The following CFH variants were observed in gnomAD, a reference collection of about 807,000 sequenced individuals.
CFH encodes the protein complement factor H, also known as H factor 1 (complement).
In CFH, 53 loss-of-function variants were observed where a neutral mutation model predicts 147.3. The ratio of observed to expected loss-of-function variants is 0.36; its 90% CI spans 0.29 to 0.45. The LOEUF (loss-of-function observed/expected upper bound fraction) is 0.45. CFH is among the 20% of genes least tolerant of loss of function. The pLI, the probability that CFH is intolerant of heterozygous loss-of-function variation, is 1.00. For synonymous variants in CFH, 536 were observed against 489.4 expected (o/e 1.10, Z -1.26); for missense variants, 1,380 against 1,498.0 (o/e 0.92, Z 1.30).
At chr1:196,695,581 A>T (rs79176478) in intron 9 of CFH, among the ~76,000 whole-genome samples, 1 of 152,122 alleles carries the variant, frequency 6.6e-6, no homozygotes, top group South Asian at 2.1e-4. Flanking sequence ...CATTGTATGT[A>T]TCAACTACTT....
At chr1:196,718,843 T>C (rs987951157) in intron 11 of CFH, among the ~76,000 whole-genome samples, 4 of 152,070 alleles carry the variant, frequency 2.6e-5, no homozygotes, top group African/African-American at 9.7e-5. Context: ...TAGGATCATT[T>C]GAACACATAA....
At chr1:196,736,523 C>A (rs1669405452) in intron 15 of CFH, among the ~76,000 whole-genome samples, 1 of 151,522 alleles carries the variant, frequency 6.6e-6, no homozygotes. Context: ...TAATTAAAAT[C>A]AATATTACAT....
chr1:196,727,995 T>C (rs1338783856), intron 14 of CFH, among the ~76,000 whole-genome samples: 1 of 152,188 alleles, frequency 6.6e-6, no homozygotes, highest in Non-Finnish European at 1.5e-5. Context: ...TTCACTTTTC[T>C]CTAAACTGAG....
chr1:196,672,310 T>A (rs1667308254), intron 1 of CFH, among the ~76,000 whole-genome samples: 1 of 152,170 alleles, frequency 6.6e-6, no homozygotes, highest in African/African-American at 2.4e-5. Context: ...TCCTTCCTAC[T>A]TGTGTTTTGT....
chr1:196,718,347 G>A (rs939168887), intron 11 of CFH, among the ~76,000 whole-genome samples: 2 of 152,134 alleles, frequency 1.3e-5, no homozygotes, highest in African/African-American at 4.8e-5. Flanking sequence ...AGGAACTGGA[G>A]ATCTGTTTTA....
Position 196,679,611 on chromosome 1 carries a change from C to A in CFH, c.620-12C>A. The stretch of plus-strand genomic sequence containing the variant: ...GCAATAAACATTTTGGAATTTAATC[C>A]CTTTTATTTAGAAATTTCATGCAAA... On this transcript the variant is annotated splice_polypyrimidine_tract_variant and intron_variant, in intron 5 of 21. Coordinates refer to ENST00000367429, the MANE Select transcript of CFH (RefSeq NM_000186.4). The A allele has an allele frequency of 6.3e-7, 1 of 1,578,306 alleles. No homozygotes were observed. The highest frequency in any genetic ancestry group is 8.7e-7 in the Non-Finnish European group (1 of 1,150,158).
chr1:196,681,506 G>C (rs1667656916), intron 6 of CFH, among the ~76,000 whole-genome samples: 1 of 149,106 alleles, frequency 6.7e-6, no homozygotes, highest in East Asian at 2.0e-4. Flanking sequence ...ACCCCTCAAA[G>C]ACTCTACATT....
At chr1:196,702,908 T>C (rs1172460913) in intron 9 of CFH, among the ~76,000 whole-genome samples, 2 of 152,184 alleles carry the variant, frequency 1.3e-5, no homozygotes, top group African/African-American at 4.8e-5. Context: ...TTTGGAATTC[T>C]TAGAACAAGT....
At chr1:196,739,126 T>G (rs1285895618) in intron 17 of CFH, among the ~76,000 whole-genome samples, 1 of 152,182 alleles carries the variant, frequency 6.6e-6, no homozygotes. Context: ...TGAGGCTGCA[T>G]AGAGCAGCAG....
intron 17 of CFH, among the ~76,000 whole-genome samples, chr1:196,739,608 G>T (rs1192228043): frequency 6.6e-6 from 1 of 152,064 alleles, no homozygotes. Context: ...GAGTATTTTG[G>T]TCAAAGCCAT....
At chr1:196,736,119 G>A (rs1277084041) in intron 15 of CFH, among the ~76,000 whole-genome samples, 1 of 152,078 alleles carries the variant, frequency 6.6e-6, no homozygotes, top group African/African-American at 2.4e-5. Flanking sequence ...TTTAACAGGA[G>A]CTTAGCTGTG....
At position 196,715,626 on chromosome 1, in the gene CFH, G is replaced by C; in HGVS notation, c.1553G>C (p.Arg518Thr). ...SCDIPVFMNA[R>T]TKNDFTWFKL... ...GATATCCCAGTATTTATGAATGCCA[G>C]AACTAAAAATGACTTCACATGGTTT... is the stretch of plus-strand genomic sequence containing the variant. The change falls in exon 11 of 22, where the codon AGA becomes ACA. Residue 518 changes from arginine to threonine, a missense_variant. Physicochemically the swap from Arg to Thr is moderately conservative, Grantham distance 71. Around this residue, in one of 4 missense-constraint regions of CFH, gnomAD observed 830 missense variants for 821.4 expected, o/e 1.01. Coordinates refer to ENST00000367429, the MANE Select transcript of CFH (RefSeq NM_000186.4). The C allele has an allele frequency of 6.2e-7, 1 of 1,612,610 alleles. No homozygotes were observed. Among genetic ancestry groups the C allele is most frequent in the Non-Finnish European group, 8.5e-7 (1 of 1,179,104 alleles).
chr1:196,709,694 T>A (rs1668679263), intron 9 of CFH, among the ~76,000 whole-genome samples: 1 of 152,160 alleles, frequency 6.6e-6, no homozygotes, highest in African/African-American at 2.4e-5. Flanking sequence ...GAAGCCCTTG[T>A]CACAAGACAT....
At chr1:196,714,645 A>G (rs1474816307) in intron 10 of CFH, among the ~76,000 whole-genome samples, 21 of 35,384 alleles carry the variant, frequency 5.9e-4, no homozygotes, top group African/African-American at 2.9e-3. Flanking sequence ...GTATATATAT[A>G]TATATATATA....
intron 6 of CFH, among the ~76,000 whole-genome samples, chr1:196,682,029 ATACTT>A (rs1275886198): frequency 2.6e-5 from 4 of 151,836 alleles, no homozygotes; most frequent in African/African-American, 2.4e-5. Context: ...TAAATTTTAA[ATACTT>A]TAATTTTCTT....
At chr1:196,672,928 T>G (rs767373625) in intron 1 of CFH, 50 bp from the exon 2 acceptor site, 11 of 1,482,428 alleles carry the variant, frequency 7.4e-6, no homozygotes, top group Non-Finnish European at 1.0e-5. Context: ...AAATATACTG[T>G]ACATTTAAAT....
intron 11 of CFH, among the ~76,000 whole-genome samples, chr1:196,722,614 G>T (rs1310297043): frequency 6.6e-6 from 1 of 152,104 alleles, no homozygotes. Flanking sequence ...TGAGCCTCTT[G>T]TATAAGGATT....
Position 196,740,750 on chromosome 1 carries a change from A to G in CFH, c.2914A>G (p.Lys972Glu), listed in dbSNP as rs1422840028. The G allele has an allele frequency of 9.9e-6, 16 of 1,614,090 alleles. No individual in the cohort carries two copies. The highest frequency in any genetic ancestry group is 1.3e-5 in the Non-Finnish European group (15 of 1,179,986). Residue 972 changes from lysine (K) to glutamate (E), a missense_variant, in exon 18 of 22, where the codon AAA becomes GAA. Physicochemically the swap from Lys to Glu is moderately conservative, Grantham distance 56. This residue lies in a region of CFH where 830 missense variants were observed against 821.4 expected (regional missense o/e 1.01). Transcript: ENST00000367429. ...TGGAATTGATGGGCCTGCAATTGCA[A>G]AATGCTTAGGAGAAAAATGGTCTCA... is the stretch of plus-strand genomic sequence containing the variant. ...GFGIDGPAIA[K>E]CLGEKWSHPP...
chr1:196,744,809 C>G (rs969268414), intron 20 of CFH, among the ~76,000 whole-genome samples: 8 of 152,106 alleles, frequency 5.3e-5, no homozygotes, highest in African/African-American at 1.9e-4. Context: ...CCTAAAGTCT[C>G]AAGCTCTTTC....
Sources: gnomAD v4.1 joint callset for allele counts (sites outside exome capture counted in the v4.1 genomes callset) on GRCh38, gnomAD v4.1.1 for gene constraint, gnomAD v4.1.1 regional missense constraint, MANE v1.5 for transcripts, NCBI Gene and HGNC (gene_info 2026-07-23, HGNC 2026-07-21) for gene names.